Variants in TMBIM1 observed in about 807,000 individuals in gnomAD.
TMBIM1 encodes the protein transmembrane BAX inhibitor motif containing 1, also known as protein lifeguard 3.
Under a neutral mutation model 45.1 loss-of-function variants are expected in TMBIM1, and 34 were observed. The ratio of observed to expected loss-of-function variants is 0.75; its 90% confidence interval spans 0.57 to 1.00. The LOEUF (loss-of-function observed/expected upper bound fraction) is 1.00. TMBIM1 is among the 50% of genes least tolerant of loss of function. The probability of loss-of-function intolerance (pLI) is 0.00; values close to 1 mark genes in which losing one functional copy is unlikely to be tolerated. For missense variants in TMBIM1, 374 were observed against 402.4 expected, an observed-to-expected ratio of 0.93 and a Z score of 0.60; for synonymous variants, 157 against 153.5, an observed-to-expected ratio of 1.02 and a Z score of -0.17.
chr2:218,289,377 C>T (rs753687738), intron 1 of TMBIM1, among the ~76,000 whole-genome samples: 1 of 152,122 alleles, frequency 6.6e-6, no homozygotes, highest in African/African-American at 2.4e-5. Flanking sequence ...CGCGGTGGCT[C>T]ATGCCTGTAA....
At position 218,277,954 on chromosome 2, in the gene TMBIM1, ATGT is replaced by A; in HGVS notation, c.491_493del (p.Asn164del). On this transcript the variant is annotated inframe_deletion, in exon 7 of 12. Transcript: ENST00000258412. The stretch of plus-strand genomic sequence containing the variant: ...ACTTACAAAAAGGGTCAGCAGAATG[ATGT>A]TCCATGGGAAACGGCGTCTGAAGGG... 1 of 1,614,214 alleles carries A rather than the reference ATGT, an allele frequency of 6.2e-7. No individual in the cohort carries two copies. The highest frequency in any genetic ancestry group is 8.5e-7 in the Non-Finnish European group (1 of 1,180,040).
At chr2:218,280,204 A>C in intron 2 of TMBIM1, 78 bp from the exon 3 acceptor site, 37 of 1,070,560 alleles carry the variant, frequency 3.5e-5, no homozygotes, top group Non-Finnish European at 4.8e-5. Flanking sequence ...TGACAATCTC[A>C]AAGTCTCAGG....
chr2:218,289,748 G>C (rs1324197692), intron 1 of TMBIM1, among the ~76,000 whole-genome samples: 1 of 151,950 alleles, frequency 6.6e-6, no homozygotes, highest in Non-Finnish European at 1.5e-5. Flanking sequence ...ACCTACACCA[G>C]GGGGTCACTA....
In TMBIM1 at chr2:218,275,316, C is replaced by G. The variant is rs1691082821; in HGVS notation, c.*159G>C. 1 of 954,690 alleles carries G rather than the reference C, an allele frequency of 1.0e-6. No individual in the cohort carries two copies. The highest frequency in any genetic ancestry group is 1.7e-5 in the African/African-American group (1 of 59,928). 59.1% of individuals were successfully genotyped at this position (954,690 alleles called of 1,614,324 possible). ...CGTCCCCACCAAGTACCCACACATC[C>G]ATAGCCAGAGAGGCCACCTGTCTCC... On this transcript the variant is annotated 3_prime_UTR_variant, in exon 12 of 12. Coordinates refer to ENST00000258412, the MANE Select transcript of TMBIM1 (RefSeq NM_022152.6).
chr2:218,291,236 C>A lies in TMBIM1; in HGVS notation c.-41+1230G>T, dbSNP rs118037998. On this transcript the variant is annotated intron_variant, in intron 1 of 11. Coordinates refer to ENST00000258412, the MANE Select transcript of TMBIM1 (RefSeq NM_022152.6). ...GAGGTCATAGCACAGAAAGACAGGG[C>A]CCCTGACACTGTGGTCCTGCCTCTT... Among the ~76,000 whole-genome samples the A allele has an allele frequency of 3.9e-4, 59 of 152,272 alleles. No homozygotes were observed. The East Asian group carries it at 7.0e-3, about 18-fold the overall frequency.
chr2:218,275,276 A>T lies in TMBIM1; in HGVS notation c.*199T>A. 1 of 564,920 alleles carries T rather than the reference A, an allele frequency of 1.8e-6. No individual in the cohort carries two copies. Among genetic ancestry groups the T allele is most frequent in the Non-Finnish European group, 2.8e-6 (1 of 351,932 alleles). 35.0% of individuals were successfully genotyped at this position (564,920 alleles called of 1,614,324 possible). A position where few individuals can be genotyped will look rare whatever the true frequency, so the allele number is the denominator to read the frequency against. On this transcript the variant is annotated 3_prime_UTR_variant, in exon 12 of 12. Transcript: ENST00000258412. ...GCCAAGCCCACCAAGAGCAACAGTTAGTCCCTAGCTCCTCCGTCCCCACCA... is the reference window on the plus strand; with the variant it reads ...GCCAAGCCCACCAAGAGCAACAGTTTGTCCCTAGCTCCTCCGTCCCCACCA...
chr2:218,281,221 C>A (rs1460939719), intron 2 of TMBIM1, among the ~76,000 whole-genome samples: 1 of 148,118 alleles, frequency 6.8e-6, no homozygotes, highest in Non-Finnish European at 1.5e-5. Flanking sequence ...GCAACCTCCA[C>A]CTCCTGGGAT....
chr2:218,277,455 T>G lies in TMBIM1; in HGVS notation c.552-2A>C. The G allele has an allele frequency of 6.2e-7, 1 of 1,614,068 alleles. No individual in the cohort carries two copies. Among genetic ancestry groups the G allele is most frequent in the Non-Finnish European group, 8.5e-7 (1 of 1,179,994 alleles). On this transcript the variant is annotated splice_acceptor_variant, in intron 8 of 11. Transcript: ENST00000258412. LOFTEE classifies it high-confidence loss of function. ...ATGACGGCTTTGGTTTGGTACATAC[T>G]GGGGAGAAGCAGGAGTTACAGACAA...
At chr2:218,277,164 C>G (rs1212902744) in intron 9 of TMBIM1, 65 bp from the exon 10 acceptor site, 2 of 1,448,266 alleles carry the variant, frequency 1.4e-6, no homozygotes, top group Admixed American at 3.4e-5. Flanking sequence ...TCAGACTGGC[C>G]CTGCCAGGGA....
chr2:218,284,422 A>G (rs1692332469), intron 1 of TMBIM1, among the ~76,000 whole-genome samples: 1 of 152,238 alleles, frequency 6.6e-6, no homozygotes. Flanking sequence ...GCAAACAGCT[A>G]ACTTTCCAGA....
chr2:218,279,658 C>G (rs1246822773), intron 3 of TMBIM1: 3 of 488,910 alleles, frequency 6.1e-6, no homozygotes, highest in African/African-American at 3.9e-5. Flanking sequence ...TCTGCACGCT[C>G]TATGCAGCTG....
intron 8 of TMBIM1, 62 bp downstream of exon 8, chr2:218,277,571 A>G: frequency 6.2e-7 from 1 of 1,612,296 alleles, no homozygotes; most frequent in South Asian, 1.1e-5. Context: ...CTGCCGGCCC[A>G]GGAACACCCC....
At chr2:218,284,883 GAGTTCGAGACCAGCC>G (rs1692375711) in intron 1 of TMBIM1, among the ~76,000 whole-genome samples, 1 of 152,196 alleles carries the variant, frequency 6.6e-6, no homozygotes, top group Non-Finnish European at 1.5e-5. Flanking sequence ...CTGAGATCAG[GAGTTCGAGACCAGCC>G]TGGCCAAATG....
chr2:218,278,931 G>A, intron 5 of TMBIM1, 107 bp downstream of exon 5: 1 of 1,312,852 alleles, frequency 7.6e-7, no homozygotes, highest in Non-Finnish European at 1.1e-6. Flanking sequence ...CAACTTGGGG[G>A]CCCTCTCAAA....
Position 218,277,020 on chromosome 2 carries a change from A to G in TMBIM1, c.719T>C (p.Val240Ala). 6.2e-7 allele frequency: 1 copy of G among 1,614,112 alleles called. No homozygotes were observed. The highest frequency in any genetic ancestry group is 8.5e-7 in the Non-Finnish European group (1 of 1,179,970). The change falls in exon 10 of 12, where the codon GTG (valine) becomes GCG (alanine). Residue 240 changes from valine to alanine, a missense_variant. Coordinates refer to ENST00000258412, the MANE Select transcript of TMBIM1 (RefSeq NM_022152.6). Reference protein sequence around the residue: ...LLVTGIVTSIVLYFQYVYWLH... With the variant: ...LLVTGIVTSIALYFQYVYWLH... ...GACACTCACGTATTGGAAGTAGAGC[A>G]CAATGCTAGTGACAATCCCAGTCAC...
At chr2:218,289,108 C>T (rs1214799347) in intron 1 of TMBIM1, among the ~76,000 whole-genome samples, 3 of 152,214 alleles carry the variant, frequency 2.0e-5, no homozygotes, top group Admixed American at 6.5e-5. Context: ...CACGCACCTG[C>T]GTGAATAGGC....
At chr2:218,279,252 G>A (rs372503378) in intron 4 of TMBIM1, 37 bp downstream of exon 4, 3 of 1,563,712 alleles carry the variant, frequency 1.9e-6, no homozygotes, top group Non-Finnish European at 2.6e-6. Flanking sequence ...TGAACCCCCA[G>A]GGCAGTAGGA....
intron 10 of TMBIM1, 109 bp downstream of exon 10, chr2:218,276,895 G>A: frequency 1.2e-6 from 1 of 851,170 alleles, no homozygotes; most frequent in Non-Finnish European, 1.9e-6. Context: ...GAGAGGTTCT[G>A]GAGGTCAGAG....
At chr2:218,292,364 CT>C (rs2106244683) in intron 1 of TMBIM1, 101 bp downstream of exon 1, 1 of 152,394 alleles carries the variant, frequency 6.6e-6, no homozygotes, top group Non-Finnish European at 1.5e-5. Context: ...CGGGAGCGCG[CT>C]CCGAAAAGTT....
Sources: allele counts gnomAD v4.1 joint callset (sites outside exome capture counted in the v4.1 genomes callset), GRCh38; gene constraint gnomAD v4.1.1; transcripts MANE v1.5; gene names NCBI Gene and HGNC (gene_info 2026-07-23, HGNC 2026-07-21).